Variants in POU2F2 observed in about 807,000 individuals in gnomAD.
POU2F2 encodes the protein POU class 2 homeobox 2.
Under a neutral mutation model 63.5 loss-of-function variants are expected in POU2F2, and 14 were observed. That is an observed-to-expected ratio of 0.22 (90% CI 0.15 to 0.34). The LOEUF (loss-of-function observed/expected upper bound fraction) is 0.34, where lower values mean the gene tolerates loss of function less well. Among genes scored for constraint, POU2F2 ranks in the 10% least tolerant of loss-of-function variants. The pLI is 1.00. For missense variants in POU2F2, 607 were observed against 815.2 expected, an observed-to-expected ratio of 0.74 and a Z score of 3.11; for synonymous variants, 306 against 348.6, an observed-to-expected ratio of 0.88 and a Z score of 1.36.
rs1478272243 is a variant in POU2F2 at position 42,156,361 on chromosome 19, G to C, written c.-9+3971C>G. On this transcript the variant is annotated intron_variant, in intron 2 of 6. Coordinates refer to the POU2F2 transcript ENST00000524801. The surrounding 1 kb of genome is among the most constrained non-coding windows in gnomAD (Gnocchi z 4.1). ...AGTGACAGAGCACAGGCAGCCAAAAGGATCAAGCAATCTCTTGCCACCTCC... is the reference window on the plus strand; with the variant it reads ...AGTGACAGAGCACAGGCAGCCAAAACGATCAAGCAATCTCTTGCCACCTCC... 6.6e-6 allele frequency: 1 copy of C among 152,660 alleles called. No homozygotes were observed. Among genetic ancestry groups the C allele is most frequent in the African/African-American group, 2.4e-5 (1 of 41,408 alleles). The allele number at this position is 152,660 out of a possible 1,614,324, so 9.5% of individuals were successfully genotyped here. A position where few individuals can be genotyped will look rare whatever the true frequency, so the allele number is the denominator to read the frequency against.
At chr19:42,130,211 G>A (rs1185949029) in intron 1 of POU2F2, among the ~76,000 whole-genome samples, 1 of 152,002 alleles carries the variant, frequency 6.6e-6, no homozygotes, top group African/African-American at 2.4e-5. Context: ...ACATGTGTAC[G>A]CACACATGTA....
In POU2F2 at chr19:42,137,632, G is replaced by A. The variant is rs545973039; in HGVS notation, c.-8-15056C>T. Among the ~76,000 whole-genome samples, 23 of 151,934 alleles carry A rather than the reference G, an allele frequency of 1.5e-4. No individual in the cohort carries two copies. The South Asian group carries it at 2.3e-3, about 15-fold the overall frequency. On this transcript the variant is annotated intron_variant, in intron 2 of 6. Coordinates refer to the POU2F2 transcript ENST00000524801. ...TCCCAGCTACTCGAGAGGCTGAGGC[G>A]GGAAGATTGCTTGAGGTCGAGGCTG...
chr19:42,113,521 G>A (rs2031431431), intron 5 of POU2F2, among the ~76,000 whole-genome samples: 1 of 152,228 alleles, frequency 6.6e-6, no homozygotes, highest in Non-Finnish European at 1.5e-5. Flanking sequence ...GGGCTGGAAG[G>A]GGGGCTTTTC....
rs144907658 is a variant in POU2F2 at position 42,169,757 on chromosome 19, CGT to C, written c.-70+6204_-70+6205del. On this transcript the variant is annotated intron_variant, in intron 1 of 6. Transcript: ENST00000524801. This position sits in a 1 kb window ranked among gnomAD's most constrained non-coding sequence, Gnocchi z 4.3. ...GAGTGCGCGCACACGTGTGTGTGTG[CGT>C]GTGTGTGTGTGTCGGGGTGATATAA... is the stretch of plus-strand genomic sequence containing the variant. Among the ~76,000 whole-genome samples, 6 of 151,468 alleles carry C rather than the reference CGT, an allele frequency of 4.0e-5. No individual in the cohort carries two copies. The highest frequency in any genetic ancestry group is 1.9e-4 in the East Asian group (1 of 5,148).
At chr19:42,137,895 CAG>C (rs1324432170) in intron 2 of POU2F2, among the ~76,000 whole-genome samples, 1 of 152,170 alleles carries the variant, frequency 6.6e-6, no homozygotes, top group Non-Finnish European at 1.5e-5. Flanking sequence ...TGGAAACAAA[CAG>C]TGTGGCAATT....
chr19:42,154,138 A>G (rs1365956172), intron 2 of POU2F2, among the ~76,000 whole-genome samples: 1 of 146,212 alleles, frequency 6.8e-6, no homozygotes. Flanking sequence ...TCCAACCCAG[A>G]CAAAAGCAAT....
intron 7 of POU2F2, among the ~76,000 whole-genome samples, chr19:42,098,952 C>T (rs1464377930): frequency 2.6e-5 from 4 of 152,158 alleles, no homozygotes; most frequent in South Asian, 2.1e-4. Flanking sequence ...CTGCTCACTG[C>T]GCCAAGCCAC....
chr19:42,137,566 A>T (rs1458293982), intron 2 of POU2F2, among the ~76,000 whole-genome samples: 2 of 151,946 alleles, frequency 1.3e-5, no homozygotes, highest in African/African-American at 2.4e-5. Flanking sequence ...TACAAAAAAA[A>T]TTGTTTTAAC....
upstream of POU2F2, among the ~76,000 whole-genome samples, chr19:42,179,175 A>G (rs377376464): frequency 1.1e-4 from 16 of 152,124 alleles, no homozygotes; most frequent in Admixed American, 5.9e-4. Context: ...GAAGGTGACA[A>G]GAGGGTCCAG....
chr19:42,195,099 AAGGGAGGG>A (rs1307717254), intron 1 of POU2F2, among the ~76,000 whole-genome samples: 1 of 49,794 alleles, frequency 2.0e-5, no homozygotes, highest in African/African-American at 8.9e-5. Flanking sequence ...GGGAGGAAGG[AAGGGAGGG>A]AGGGAGGGAG....
At chr19:42,192,432 G>A (rs970387444) in intron 1 of POU2F2, among the ~76,000 whole-genome samples, 10 of 152,190 alleles carry the variant, frequency 6.6e-5, no homozygotes, top group Non-Finnish European at 1.3e-4. Flanking sequence ...TTTATCAAGG[G>A]TGGGGTTGGA....
intron 1 of POU2F2, among the ~76,000 whole-genome samples, chr19:42,130,869 C>A (rs1056260223): frequency 6.7e-6 from 1 of 148,412 alleles, no homozygotes; most frequent in Non-Finnish European, 1.5e-5. Context: ...CCTGGCCCAA[C>A]CCCTCTACCT....
At chr19:42,170,447 CT>C (rs1337944239) in intron 1 of POU2F2, among the ~76,000 whole-genome samples, 1 of 150,302 alleles carries the variant, frequency 6.7e-6, no homozygotes, top group African/African-American at 2.5e-5. Flanking sequence ...AAAAAAAATG[CT>C]CAAGAGTGCA....
In POU2F2 at chr19:42,091,441, G is replaced by C. The variant is rs1364217811; in HGVS notation, c.1691C>G (p.Pro564Arg). The C allele has an allele frequency of 6.4e-7, 1 of 1,550,728 alleles. No individual in the cohort carries two copies. The highest frequency in any genetic ancestry group is 8.7e-7 in the Non-Finnish European group (1 of 1,146,926). ...TGCTGAGACCAGGCCCACACCAGGC[G>C]GGGTGCTGAGCAGGGGCAGCCCAGC... ...NHAGLPLLST[P>R]PGVGLVSAAA... Residue 564 changes from proline to arginine, a missense_variant, in exon 15 of 15, where the codon CCG becomes CGG. Physicochemically the swap from Pro to Arg is moderately radical, Grantham distance 103. Around this residue, in one of 7 missense-constraint regions of POU2F2, gnomAD observed 270 missense variants for 307.5 expected, o/e 0.88. Coordinates refer to ENST00000692977, the MANE Select transcript of POU2F2 (RefSeq NM_001394376.1).
chr19:42,187,112 C>T (rs369291290), intron 1 of POU2F2, among the ~76,000 whole-genome samples: 2 of 151,986 alleles, frequency 1.3e-5, no homozygotes, highest in Admixed American at 1.3e-4. Flanking sequence ...AAGAAGAATA[C>T]GCCGAATGTG....
chr19:42,124,319 G>GAA, intron 1 of POU2F2, among the ~76,000 whole-genome samples: 1 of 82,684 alleles, frequency 1.2e-5, no homozygotes, highest in East Asian at 3.5e-4. Flanking sequence ...AAAAAAAAAA[G>GAA]AAAAAAAAAA....
chr19:42,192,894 G>GA (rs2035088850), intron 1 of POU2F2, among the ~76,000 whole-genome samples: 1 of 152,094 alleles, frequency 6.6e-6, no homozygotes, highest in Non-Finnish European at 1.5e-5. Flanking sequence ...TGACACTTCA[G>GA]AAAAATAGTT....
chr19:42,119,597 C>T (rs1170143649), intron 4 of POU2F2, among the ~76,000 whole-genome samples: 2 of 152,064 alleles, frequency 1.3e-5, no homozygotes, highest in African/African-American at 2.4e-5. Context: ...CACCTGAAGC[C>T]GGGAGGTGGA....
chr19:42,194,234 T>C (rs1568430437), intron 1 of POU2F2, among the ~76,000 whole-genome samples: 1 of 149,522 alleles, frequency 6.7e-6, no homozygotes, highest in Admixed American at 6.7e-5. Flanking sequence ...AAAATAATAA[T>C]AATAAGCCAG....
Sources: gnomAD v4.1 joint callset for allele counts (sites outside exome capture counted in the v4.1 genomes callset) on GRCh38, gnomAD v4.1.1 for gene constraint, gnomAD v4.1.1 regional missense constraint, Gnocchi (gnomAD v3.1) non-coding constraint, MANE v1.5 for transcripts, NCBI Gene and HGNC (gene_info 2026-07-23, HGNC 2026-07-21) for gene names.